PARPBP: variants seen among roughly 807,000 people sequenced by gnomAD.
The protein encoded by PARPBP is PCNA-interacting partner.
PARPBP carries 52 observed loss-of-function variants against 50.0 expected under a neutral mutation model. That is an observed-to-expected ratio of 1.04 (90% CI 0.83 to 1.31). PARPBP has a LOEUF of 1.31. Ranked by LOEUF, PARPBP falls within the 50% of genes most tolerant of loss-of-function variation. The pLI, the probability that PARPBP is intolerant of heterozygous loss-of-function variation, is 0.00. For missense variants in PARPBP, 697 were observed against 672.0 expected (o/e 1.04, Z -0.41); for synonymous variants, 244 against 232.1 (o/e 1.05, Z -0.47).
At chr12:102,185,384 T>C (rs1890211591) in intron 9 of PARPBP, among the ~76,000 whole-genome samples, 1 of 152,216 alleles carries the variant, frequency 6.6e-6, no homozygotes, top group African/African-American at 2.4e-5. Flanking sequence ...TAAATCCTAC[T>C]TTGTCATGAT....
In PARPBP at chr12:102,195,165, A is replaced by G. The variant is rs140604337; in HGVS notation, c.1264-147A>G. ...AATGAGTTTGCAAACTATGAAATATAAAAGGTTAGAGAGAGGTTCTCAATG... is the reference window on the plus strand; with the variant it reads ...AATGAGTTTGCAAACTATGAAATATGAAAGGTTAGAGAGAGGTTCTCAATG... On this transcript the variant is annotated intron_variant, in intron 9 of 10. Coordinates refer to ENST00000327680, the MANE Select transcript of PARPBP (RefSeq NM_017915.5). 2.1e-4 allele frequency: 93 copies of G among 444,242 alleles called. 1 individual carries two copies. Among genetic ancestry groups the G allele is most frequent in the African/African-American group, 1.9e-3 (91 of 48,718 alleles). The allele number at this position is 444,242 out of a possible 1,614,324, so 27.5% of individuals were successfully genotyped here. A position where few individuals can be genotyped will look rare whatever the true frequency, so the allele number is the denominator to read the frequency against.
intron 2 of PARPBP, among the ~76,000 whole-genome samples, chr12:102,144,086 A>G (rs941434587): frequency 2.6e-5 from 4 of 152,214 alleles, no homozygotes; most frequent in Admixed American, 6.5e-5. Flanking sequence ...ATCTCATTTT[A>G]TAACCAAGGA....
chr12:102,144,368 C>T (rs1885077321), intron 2 of PARPBP, among the ~76,000 whole-genome samples: 1 of 151,262 alleles, frequency 6.6e-6, no homozygotes, highest in African/African-American at 2.4e-5. Flanking sequence ...ACATTTTGAA[C>T]TTCCTTCATA....
At chr12:102,142,072 GCA>G (rs751317558) in intron 2 of PARPBP, among the ~76,000 whole-genome samples, 47 of 152,308 alleles carry the variant, frequency 3.1e-4, no homozygotes, top group South Asian at 6.2e-4. Context: ...ATAATATCCT[GCA>G]GAGTGTTTTC....
At chr12:102,170,905 C>CTTT (rs56390964) in intron 6 of PARPBP, among the ~76,000 whole-genome samples, 1 of 113,312 alleles carries the variant, frequency 8.8e-6, no homozygotes, top group African/African-American at 3.3e-5. Flanking sequence ...TTTAATTTTT[C>CTTT]TTTTTTTTTT....
At chr12:102,181,763 C>T (rs1318001152) in intron 8 of PARPBP, among the ~76,000 whole-genome samples, 1 of 152,126 alleles carries the variant, frequency 6.6e-6, no homozygotes, top group Non-Finnish European at 1.5e-5. Flanking sequence ...CAAAACACCC[C>T]AGACTAGATA....
At chr12:102,153,280 C>T (rs1886455120) in intron 3 of PARPBP, among the ~76,000 whole-genome samples, 1 of 152,198 alleles carries the variant, frequency 6.6e-6, no homozygotes, top group Non-Finnish European at 1.5e-5. Flanking sequence ...ACCCCCTAAC[C>T]TATGAGTTTT....
intron 3 of PARPBP, chr12:102,150,514 A>G (rs1039538313): frequency 1.9e-5 from 6 of 324,244 alleles, no homozygotes; most frequent in Non-Finnish European, 3.6e-5. Flanking sequence ...AAGTCAGGGC[A>G]ATTTTGGGAA....
At position 102,178,671 on chromosome 12, in the gene PARPBP, A is replaced by T; in HGVS notation, c.1085A>T (p.Glu362Val). 6.2e-7 allele frequency: 1 copy of T among 1,613,514 alleles called. No homozygotes were observed. Among genetic ancestry groups the T allele is most frequent in the Non-Finnish European group, 8.5e-7 (1 of 1,179,512 alleles). Residue 362 changes from glutamate to valine, a missense_variant, in exon 8 of 11, where the codon GAA becomes GTA. Glu to Val is a moderately radical substitution (Grantham distance 121). Coordinates refer to ENST00000327680, the MANE Select transcript of PARPBP (RefSeq NM_017915.5). The part of the protein sequence containing the change: ...TVKALLVLLD[E>V]EAANAPTKNK... ...AAAGCCTTATTAGTTCTTTTGGACG[A>T]AGAAGCAGCTAATGCTCCTACCAAA...
rs1378794737 is a variant in PARPBP, at chr12:102,124,037, A to G, written c.149A>G (p.Lys50Arg). The change falls in exon 2 of 11, where the codon AAA (lysine) becomes AGA (arginine). Residue 50 changes from lysine (K) to arginine (R), a missense_variant. Physicochemically the swap from Lys to Arg is conservative, Grantham distance 26 (BLOSUM62 2). Transcript: ENST00000327680. ...ALQLSMAENN[K>R]QHSGEFTVSL... ...CAGCTTTCTATGGCGGAGAACAACA[A>G]ACAGGTTGGTAAACTATATTTGGGT... is the stretch of plus-strand genomic sequence containing the variant. 1.3e-6 allele frequency: 2 copies of G among 1,533,682 alleles called. No individual in the cohort carries two copies. Among genetic ancestry groups the G allele is most frequent in the Non-Finnish European group, 1.7e-6 (2 of 1,145,160 alleles).
chr12:102,188,973 T>TA (rs1208023776), intron 9 of PARPBP, among the ~76,000 whole-genome samples: 2 of 151,674 alleles, frequency 1.3e-5, no homozygotes, highest in African/African-American at 2.4e-5. Context: ...GATGGAGCAT[T>TA]AAAAAAATCT....
chr12:102,183,696 A>G (rs896267390), intron 9 of PARPBP, among the ~76,000 whole-genome samples: 8 of 152,138 alleles, frequency 5.3e-5, no homozygotes, highest in African/African-American at 4.8e-5. Context: ...TTTTCTTGCT[A>G]TGGATACTGA....
chr12:102,135,755 TCA>T (rs1306832614), intron 2 of PARPBP, among the ~76,000 whole-genome samples: 7 of 152,132 alleles, frequency 4.6e-5, no homozygotes, highest in African/African-American at 1.7e-4. Flanking sequence ...GGAAGGAAGT[TCA>T]TAGTGATCAT....
intron 9 of PARPBP, among the ~76,000 whole-genome samples, chr12:102,187,813 T>A (rs1180817053): frequency 6.6e-6 from 1 of 152,168 alleles, no homozygotes; most frequent in Non-Finnish European, 1.5e-5. Context: ...TACGTCATGG[T>A]AGAACACCAT....
intron 2 of PARPBP, among the ~76,000 whole-genome samples, chr12:102,146,999 A>C (rs1885454397): frequency 6.6e-6 from 1 of 152,112 alleles, no homozygotes; most frequent in African/African-American, 2.4e-5. Context: ...AGAGAAATGC[A>C]AATCAAAACC....
At position 102,175,503 on chromosome 12, in the gene PARPBP, T is replaced by A. The variant is rs773301317; in HGVS notation, c.842T>A (p.Leu281Gln). The A allele has an allele frequency of 6.2e-7, 1 of 1,613,224 alleles. No individual in the cohort carries two copies. The highest frequency in any genetic ancestry group is 1.7e-5 in the Admixed American group (1 of 59,972). Residue 281 changes from leucine (L) to glutamine (Q), a missense_variant, in exon 7 of 11, where the codon CTG becomes CAG. By Grantham distance (113) the Leu-to-Gln change is moderately radical. Transcript: ENST00000327680. ...TTCAGCATTGCAGGGGGTCAAATAC[T>A]GTCAGTGATAAAGATGCAACTGATT... ...PNPSIAGGQI[L>Q]SVIKMQLIKG...
intron 2 of PARPBP, among the ~76,000 whole-genome samples, chr12:102,147,852 A>G (rs74982632): frequency 2.0e-3 from 303 of 152,286 alleles, no homozygotes; most frequent in African/African-American, 6.9e-3. Flanking sequence ...CAAAAGAACG[A>G]AAAGGAACTA....
intron 9 of PARPBP, among the ~76,000 whole-genome samples, chr12:102,185,968 T>C (rs547816605): frequency 6.6e-6 from 1 of 152,264 alleles, no homozygotes; most frequent in East Asian, 1.9e-4. Context: ...GGAGACTTTT[T>C]AGTACAGCTT....
intron 8 of PARPBP, among the ~76,000 whole-genome samples, chr12:102,179,272 A>G (rs931499373): frequency 6.6e-6 from 1 of 152,248 alleles, no homozygotes; most frequent in Non-Finnish European, 1.5e-5. Context: ...AAGAGAGAGC[A>G]CATACACCAA....
Sources: gnomAD v4.1 joint callset for allele counts (sites outside exome capture counted in the v4.1 genomes callset) on GRCh38, gnomAD v4.1.1 for gene constraint, MANE v1.5 for transcripts, NCBI Gene and HGNC (gene_info 2026-07-23, HGNC 2026-07-21) for gene names.